Variants in GRM7 observed in about 807,000 individuals in gnomAD.
GRM7 encodes metabotropic glutamate receptor 7.
A neutral mutation model predicts 84.5 loss-of-function variants in GRM7; 35 were observed. The observed-to-expected ratio is 0.41, with a 90% CI of 0.32 to 0.55. GRM7 has a LOEUF of 0.55. Among genes scored for constraint, GRM7 ranks in the 20% least tolerant of loss-of-function variants. GRM7 has a pLI of 0.19. For missense variants in GRM7, 1,003 were observed against 1,194.6 expected (o/e 0.84, Z 2.36); for synonymous variants, 487 against 455.1 (o/e 1.07, Z -0.89).
At chr3:7,281,937 G>A (rs1228080111) in intron 2 of GRM7, among the ~76,000 whole-genome samples, 1 of 152,178 alleles carries the variant, frequency 6.6e-6, no homozygotes, top group Non-Finnish European at 1.5e-5. Context: ...GAAGAAATTA[G>A]CCGGGCGTGG....
intron 2 of GRM7, among the ~76,000 whole-genome samples, chr3:7,294,706 C>G (rs1226807809): frequency 6.6e-6 from 1 of 152,142 alleles, no homozygotes; most frequent in African/African-American, 2.4e-5. Flanking sequence ...CCTAGAGCAG[C>G]GTGGGCCCTA....
intron 1 of GRM7, among the ~76,000 whole-genome samples, chr3:7,098,558 A>C (rs139565827): frequency 2.8e-4 from 42 of 152,118 alleles, no homozygotes; most frequent in African/African-American, 9.6e-4. Flanking sequence ...ATATTTATGC[A>C]TTCTACCCAA....
chr3:7,176,292 T>C (rs1695147906), intron 2 of GRM7, among the ~76,000 whole-genome samples: 1 of 143,336 alleles, frequency 7.0e-6, no homozygotes, highest in Non-Finnish European at 1.5e-5. Context: ...ATGCCTGTGG[T>C]CTCAGCTACT....
intron 1 of GRM7, among the ~76,000 whole-genome samples, chr3:7,121,905 A>G (rs575912282): frequency 6.6e-6 from 1 of 152,296 alleles, no homozygotes; most frequent in African/African-American, 2.4e-5. Flanking sequence ...GGTGAAAGTC[A>G]TTATGGAAGG....
At chr3:7,695,386 A>ATCTT (rs1350303395) in intron 9 of GRM7, among the ~76,000 whole-genome samples, 1 of 152,200 alleles carries the variant, frequency 6.6e-6, no homozygotes, top group Non-Finnish European at 1.5e-5. Flanking sequence ...GTGTTGATAC[A>ATCTT]TCTTATGCAA....
intron 4 of GRM7, among the ~76,000 whole-genome samples, chr3:7,360,992 TG>T (rs1179987953): frequency 6.6e-6 from 1 of 152,108 alleles, no homozygotes; most frequent in East Asian, 1.9e-4. Flanking sequence ...GCCTAATCTG[TG>T]GCTCTTGAAC....
intron 8 of GRM7, among the ~76,000 whole-genome samples, chr3:7,679,398 G>T (rs117106793): frequency 6.6e-6 from 1 of 152,102 alleles, no homozygotes; most frequent in East Asian, 1.9e-4. Context: ...CACAACTCCA[G>T]AATAAGGCGT....
At chr3:7,268,178 A>C (rs1205541918) in intron 2 of GRM7, among the ~76,000 whole-genome samples, 1 of 152,182 alleles carries the variant, frequency 6.6e-6, no homozygotes, top group Non-Finnish European at 1.5e-5. Context: ...TAAAGGAATC[A>C]GATGTTAAAA....
chr3:7,457,721 CT>C (rs1327887210), intron 6 of GRM7, among the ~76,000 whole-genome samples: 2 of 152,128 alleles, frequency 1.3e-5, no homozygotes, highest in Non-Finnish European at 2.9e-5. Context: ...ATGTTTTTGT[CT>C]AGTTTTGTTA....
At chr3:6,876,767 A>G (rs1224841449) in intron 1 of GRM7, among the ~76,000 whole-genome samples, 2 of 151,726 alleles carry the variant, frequency 1.3e-5, no homozygotes, top group African/African-American at 4.8e-5. Flanking sequence ...ACGCCCAGCT[A>G]ATTTTTGTAT....
chr3:7,002,817 G>T (rs913584340), intron 1 of GRM7, among the ~76,000 whole-genome samples: 1 of 152,140 alleles, frequency 6.6e-6, no homozygotes, highest in East Asian at 1.9e-4. Context: ...ATTGATAATA[G>T]CCAAGGTATA....
At chr3:6,941,580 G>C (rs1697895694) in intron 1 of GRM7, among the ~76,000 whole-genome samples, 1 of 152,152 alleles carries the variant, frequency 6.6e-6, no homozygotes, top group Admixed American at 6.6e-5. Flanking sequence ...CTATTTGAAG[G>C]ATTTTCAACT....
At chr3:6,981,318 C>T (rs888487489) in intron 1 of GRM7, among the ~76,000 whole-genome samples, 1 of 152,176 alleles carries the variant, frequency 6.6e-6, no homozygotes, top group Non-Finnish European at 1.5e-5. Context: ...GAATTCACCA[C>T]AACTTGTGGG....
At chr3:7,432,106 A>T (rs983714222) in intron 5 of GRM7, among the ~76,000 whole-genome samples, 6 of 152,190 alleles carry the variant, frequency 3.9e-5, no homozygotes, top group Non-Finnish European at 8.8e-5. Context: ...GGAGAAATAA[A>T]GTAGCAGCAG....
chr3:7,614,731 G>T (rs1233810673), intron 8 of GRM7, among the ~76,000 whole-genome samples: 2 of 152,078 alleles, frequency 1.3e-5, no homozygotes, highest in African/African-American at 4.8e-5. Context: ...AGGCATTCTT[G>T]AGTTAAATTC....
intron 7 of GRM7, among the ~76,000 whole-genome samples, chr3:7,577,832 A>C (rs1695038640): frequency 6.6e-6 from 1 of 152,238 alleles, no homozygotes; most frequent in African/African-American, 2.4e-5. Context: ...ACATTGCTGC[A>C]AAAGTTCTCA....
chr3:7,213,423 C>T (rs1365279571), intron 2 of GRM7, among the ~76,000 whole-genome samples: 1 of 152,148 alleles, frequency 6.6e-6, no homozygotes, highest in Non-Finnish European at 1.5e-5. Flanking sequence ...TCACCCGCTT[C>T]AATCTCTTAA....
intron 1 of GRM7, among the ~76,000 whole-genome samples, chr3:7,008,114 C>T (rs199537614): frequency 0.064 from 746 of 11,702 alleles, 3 homozygotes; most frequent in Middle Eastern, 0.17. Flanking sequence ...AATGAGAATG[C>T]GTTTTTTTTT....
At chr3:7,609,303 C>T (rs1299143965) in intron 8 of GRM7, among the ~76,000 whole-genome samples, 1 of 152,086 alleles carries the variant, frequency 6.6e-6, no homozygotes, top group African/African-American at 2.4e-5. Flanking sequence ...GCAGGGAAGT[C>T]ACATTTTAGA....
Sources: allele counts gnomAD v4.1 joint callset (sites outside exome capture counted in the v4.1 genomes callset), GRCh38; gene constraint gnomAD v4.1.1; transcripts MANE v1.5; gene names NCBI Gene and HGNC (gene_info 2026-07-23, HGNC 2026-07-21).